CATSPERT: variants seen among roughly 807,000 people sequenced by gnomAD.
CATSPERT encodes catsper channel auxiliary subunit tau, also known as cation channel sperm-associated targeting subunit tau.
chr2:201,547,572 G>A, the CATSPERT span: 11 of 1,548,672 alleles, frequency 7.1e-6, no homozygotes, highest in African/African-American at 1.4e-5. Context: ...ATCTATCCAT[G>A]TATTCAGATT....
At chr2:201,598,872 T>G in the CATSPERT span, among the ~76,000 whole-genome samples, 1 of 152,256 alleles carries the variant, frequency 6.6e-6, no homozygotes, top group East Asian at 1.9e-4. Context: ...TGAGCTACCG[T>G]GCCCAGCCAA....
At chr2:201,588,415 C>A in the CATSPERT span, among the ~76,000 whole-genome samples, 4 of 151,710 alleles carry the variant, frequency 2.6e-5, no homozygotes, top group Non-Finnish European at 5.9e-5. Context: ...TCAATAGATG[C>A]AGATAATGCA....
the CATSPERT span, chr2:201,495,952 T>C: frequency 6.3e-7 from 1 of 1,594,852 alleles, no homozygotes; most frequent in Non-Finnish European, 8.6e-7. Context: ...AATTATATTC[T>C]TTTGGTGAAA....
At chr2:201,582,016 C>A in the CATSPERT span, 14 of 1,509,608 alleles carry the variant, frequency 9.3e-6, no homozygotes, top group South Asian at 1.6e-4. Context: ...AAAAGCCCAT[C>A]AAGTATAATA....
chr2:201,492,709 A>G, the CATSPERT span: 4 of 1,535,474 alleles, frequency 2.6e-6, no homozygotes, highest in Non-Finnish European at 3.5e-6. Context: ...ATTGTTGACA[A>G]AAGACATGAT....
chr2:201,492,584 T>A, the CATSPERT span: 25 of 1,529,318 alleles, frequency 1.6e-5, no homozygotes, highest in Non-Finnish European at 2.1e-5. Flanking sequence ...TCAGATGCTG[T>A]CTCATTAAAT....
At chr2:201,583,746 T>C in the CATSPERT span, among the ~76,000 whole-genome samples, 4 of 152,034 alleles carry the variant, frequency 2.6e-5, no homozygotes, top group East Asian at 5.8e-4. Flanking sequence ...CAGTCAAAAA[T>C]AACTCAGTCA....
chr2:201,587,175 A>G, the CATSPERT span, among the ~76,000 whole-genome samples: 1 of 152,162 alleles, frequency 6.6e-6, no homozygotes, highest in Admixed American at 6.6e-5. Flanking sequence ...GCACTTCTAC[A>G]TATGCTACAA....
At chr2:201,603,031 G>C in the CATSPERT span, among the ~76,000 whole-genome samples, 1 of 152,140 alleles carries the variant, frequency 6.6e-6, no homozygotes, top group Non-Finnish European at 1.5e-5. Flanking sequence ...TAGCCCTTTT[G>C]AACTGTCAGA....
chr2:201,602,643 T>C, the CATSPERT span, among the ~76,000 whole-genome samples: 3 of 152,292 alleles, frequency 2.0e-5, no homozygotes, highest in African/African-American at 7.2e-5. Flanking sequence ...ATTGAGGTGA[T>C]TACAGATGGC....
At chr2:201,496,055 T>C in the CATSPERT span, 19 of 911,534 alleles carry the variant, frequency 2.1e-5, no homozygotes, top group Non-Finnish European at 2.9e-5. Flanking sequence ...TTATTAGAGA[T>C]ATAAAATTTT....
chr2:201,575,553 G>T, the CATSPERT span, among the ~76,000 whole-genome samples: 1 of 152,098 alleles, frequency 6.6e-6, no homozygotes, highest in Non-Finnish European at 1.5e-5. Flanking sequence ...TTCACCTCCT[G>T]CCAGATCAGT....
At chr2:201,553,013 C>G in the CATSPERT span, 1 of 151,044 alleles carries the variant, frequency 6.6e-6, no homozygotes, top group African/African-American at 2.4e-5. Context: ...ATATATTAAC[C>G]GTCTACCAGT....
chr2:201,594,131 C>T, the CATSPERT span, among the ~76,000 whole-genome samples: 1 of 152,174 alleles, frequency 6.6e-6, no homozygotes, highest in Non-Finnish European at 1.5e-5. Flanking sequence ...TGTTCCTTTC[C>T]ATGTTTAGCA....
At chr2:201,563,977 A>G in the CATSPERT span, among the ~76,000 whole-genome samples, 1 of 152,196 alleles carries the variant, frequency 6.6e-6, no homozygotes, top group Admixed American at 6.5e-5. Context: ...AAAGCTGAGC[A>G]GAGCTTTGAG....
the CATSPERT span, among the ~76,000 whole-genome samples, chr2:201,523,815 G>A: frequency 4.6e-5 from 7 of 152,122 alleles, no homozygotes; most frequent in Non-Finnish European, 1.0e-4. Context: ...TAATCTGGTA[G>A]AGCTGAAAAA....
the CATSPERT span, chr2:201,491,832 A>G: frequency 6.5e-7 from 1 of 1,536,992 alleles, no homozygotes; most frequent in Non-Finnish European, 8.7e-7. Context: ...CACCCCAACT[A>G]TATGGGTCTT....
the CATSPERT span, among the ~76,000 whole-genome samples, chr2:201,530,090 AAAG>A: frequency 7.2e-5 from 11 of 152,310 alleles, no homozygotes; most frequent in African/African-American, 2.6e-4. Context: ...CTATTATCAA[AAAG>A]AAGAATGATA....
chr2:201,503,656 C>T, the CATSPERT span, among the ~76,000 whole-genome samples: 2 of 152,190 alleles, frequency 1.3e-5, no homozygotes, highest in Non-Finnish European at 2.9e-5. Context: ...CCTCAGCCTC[C>T]CAAAGTCCTG....
Sources: allele counts gnomAD v4.1 joint callset (sites outside exome capture counted in the v4.1 genomes callset), GRCh38; gene constraint gnomAD v4.1.1; transcripts MANE v1.5; gene names NCBI Gene and HGNC (gene_info 2026-07-23, HGNC 2026-07-21).